Variants in LAMA1 observed in about 807,000 individuals in gnomAD.
LAMA1 encodes laminin subunit alpha-1.
A neutral mutation model predicts 348.7 loss-of-function variants in LAMA1; 219 were observed. The observed-to-expected ratio is 0.63, with a 90% CI of 0.56 to 0.70. The LOEUF (loss-of-function observed/expected upper bound fraction) is 0.70. Among genes scored for constraint, LAMA1 ranks in the 30% least tolerant of loss-of-function variants. The probability of loss-of-function intolerance (pLI) is 0.00; values close to 1 mark genes in which losing one functional copy is unlikely to be tolerated. For missense variants in LAMA1, 3,744 were observed against 3,888.0 expected (o/e 0.96, Z 0.99); for synonymous variants, 1,487 against 1,491.0 (o/e 1.00, Z 0.06).
chr18:7,078,572 T>C (rs563903851), intron 3 of LAMA1, among the ~76,000 whole-genome samples: 3 of 152,244 alleles, frequency 2.0e-5, no homozygotes, highest in Non-Finnish European at 2.9e-5. Flanking sequence ...TTCATAATAC[T>C]GTGAACCTGA....
At chr18:7,098,695 G>A (rs1308055287) in intron 1 of LAMA1, among the ~76,000 whole-genome samples, 10 of 149,430 alleles carry the variant, frequency 6.7e-5, no homozygotes, top group East Asian at 6.0e-4. Flanking sequence ...CCGCCCGGCA[G>A]CCACCCCATC....
intron 33 of LAMA1, among the ~76,000 whole-genome samples, chr18:6,995,791 C>G (rs1241134113): frequency 2.0e-5 from 3 of 152,000 alleles, no homozygotes; most frequent in Non-Finnish European, 4.4e-5. Flanking sequence ...GAAAAAAATG[C>G]CTTTTAGGCT....
In LAMA1 at chr18:6,966,240, C is replaced by T; in HGVS notation, c.6957G>A (p.Glu2319=). Residue 2319 remains glutamate, a synonymous_variant, in exon 49 of 63, where the codon GAG becomes GAA. Coordinates refer to ENST00000389658, the MANE Select transcript of LAMA1 (RefSeq NM_005559.4). The part of the protein sequence containing the change: ...HFDGSGYSVV[E]KSLPATVTQI... ...GGGTCACGGTAGCCGGAAGTGACTT[C>T]TCCACGACAGAGTACCCACTCCCGT... The T allele has an allele frequency of 1.2e-6, 2 of 1,613,970 alleles. No individual in the cohort carries two copies. Among genetic ancestry groups the T allele is most frequent in the Non-Finnish European group, 8.5e-7 (1 of 1,179,968 alleles).
At chr18:7,095,028 T>C (rs939787686) in intron 1 of LAMA1, among the ~76,000 whole-genome samples, 2 of 151,746 alleles carry the variant, frequency 1.3e-5, no homozygotes, top group African/African-American at 4.8e-5. Flanking sequence ...CAAATTGATC[T>C]ATAGATTCTA....
chr18:7,065,443 G>C (rs951683691), intron 3 of LAMA1, among the ~76,000 whole-genome samples: 1 of 152,116 alleles, frequency 6.6e-6, no homozygotes, highest in African/African-American at 2.4e-5. Context: ...ATGTTGGCCA[G>C]GTATGGTGGC....
At chr18:6,960,211 C>T (rs2057600476) in intron 53 of LAMA1, 1 of 155,990 alleles carries the variant, frequency 6.4e-6, no homozygotes, top group South Asian at 2.0e-4. Flanking sequence ...CAAACAAATA[C>T]TTATCCACAT....
intron 57 of LAMA1, among the ~76,000 whole-genome samples, chr18:6,952,177 T>C (rs763037537): frequency 3.3e-5 from 5 of 152,068 alleles, no homozygotes; most frequent in African/African-American, 7.2e-5. Flanking sequence ...CCCAGCACTC[T>C]CAGCTGGGAG....
At chr18:7,000,131 T>G in intron 30 of LAMA1, 134 bp from the exon 31 acceptor site, 2 of 687,210 alleles carry the variant, frequency 2.9e-6, no homozygotes, top group Non-Finnish European at 5.2e-6. Flanking sequence ...TTTTAGAGCT[T>G]ACAATCTACC....
intron 22 of LAMA1, among the ~76,000 whole-genome samples, chr18:7,014,366 A>G (rs1219919341): frequency 6.6e-6 from 1 of 152,218 alleles, no homozygotes; most frequent in African/African-American, 2.4e-5. Flanking sequence ...CACGCCTGCA[A>G]TTATGGCACT....
intron 1 of LAMA1, among the ~76,000 whole-genome samples, chr18:7,116,016 G>A (rs2058354846): frequency 6.6e-6 from 1 of 152,086 alleles, no homozygotes; most frequent in Non-Finnish European, 1.5e-5. Flanking sequence ...TAGGAAGGGT[G>A]AGGGTTGGTG....
At chr18:7,027,213 G>A (rs552104298) in intron 16 of LAMA1, among the ~76,000 whole-genome samples, 3 of 152,180 alleles carry the variant, frequency 2.0e-5, no homozygotes, top group South Asian at 2.1e-4. Flanking sequence ...GAGTACCAGC[G>A]TTACATTGAC....
rs187652727 is a variant in LAMA1 at position 7,047,746 on chromosome 18, G to A, written c.768+1332C>T. On this transcript the variant is annotated intron_variant, in intron 5 of 62. Transcript: ENST00000389658. ...GAAATAAACCCACAATAATAAGGTTGAATAGTTTTCAACAACGGCCCCAAA... is the reference window on the plus strand; with the variant it reads ...GAAATAAACCCACAATAATAAGGTTAAATAGTTTTCAACAACGGCCCCAAA... Among the ~76,000 whole-genome samples, 140 of 151,806 alleles carry A rather than the reference G, an allele frequency of 9.2e-4. 2 individuals are homozygous for A. The highest frequency in any genetic ancestry group is 3.4e-3 in the Middle Eastern group (1 of 294).
chr18:6,989,161 G>C (rs1424840214), intron 36 of LAMA1, among the ~76,000 whole-genome samples: 1 of 152,166 alleles, frequency 6.6e-6, no homozygotes, highest in Non-Finnish European at 1.5e-5. Flanking sequence ...AGGCTTCCCT[G>C]GGCAGAAACA....
At chr18:7,075,915 C>T (rs141244375) in intron 3 of LAMA1, among the ~76,000 whole-genome samples, 5,791 of 148,788 alleles carry the variant, frequency 0.039, 138 homozygotes, top group Admixed American at 0.076. Context: ...CCAGCCTGGG[C>T]GACAGAGTGA....
At chr18:6,972,232 G>A (rs868632621) in intron 47 of LAMA1, 27 of 458,040 alleles carry the variant, frequency 5.9e-5, no homozygotes, top group African/African-American at 2.4e-4. Flanking sequence ...GGAGAGAATC[G>A]TGTTGTACGA....
At chr18:7,098,178 T>C (rs1460406277) in intron 1 of LAMA1, among the ~76,000 whole-genome samples, 6 of 151,970 alleles carry the variant, frequency 3.9e-5, no homozygotes, top group Non-Finnish European at 7.4e-5. Flanking sequence ...TGGAGTGCAG[T>C]GGCGTGATCT....
In LAMA1 at chr18:6,990,510, G is replaced by T. The variant is rs569313805; in HGVS notation, c.5168+2051C>A. ...ATCGCCTCCAGGGTGGGCAGGTCCT[G>T]GGAAGCCCTGGTTGGAGCTGCCCGA... On this transcript the variant is annotated intron_variant, in intron 36 of 62. Coordinates refer to ENST00000389658, the MANE Select transcript of LAMA1 (RefSeq NM_005559.4). 2.6e-5 allele frequency among the ~76,000 whole-genome samples: 4 copies of T among 152,296 alleles called. No homozygotes were observed. In the East Asian group the frequency reaches 7.8e-4, roughly 30 times the overall value.
intron 29 of LAMA1, among the ~76,000 whole-genome samples, chr18:7,002,969 C>G (rs1005958742): frequency 6.6e-6 from 1 of 151,898 alleles, no homozygotes; most frequent in Non-Finnish European, 1.5e-5. Flanking sequence ...TAGCTTTGAC[C>G]TCCCAGGCTC....
chr18:7,073,489 T>A (rs2058154329), intron 3 of LAMA1, among the ~76,000 whole-genome samples: 1 of 152,202 alleles, frequency 6.6e-6, no homozygotes, highest in Admixed American at 6.5e-5. Context: ...AGGTACTTCA[T>A]CCAAATTGAT....
Sources: gnomAD v4.1 joint callset for allele counts (sites outside exome capture counted in the v4.1 genomes callset) on GRCh38, gnomAD v4.1.1 for gene constraint, MANE v1.5 for transcripts, NCBI Gene and HGNC (gene_info 2026-07-23, HGNC 2026-07-21) for gene names.